The following LOC128092253 variants were observed in gnomAD, a reference collection of about 807,000 sequenced individuals.
the LOC128092253 span, among the ~76,000 whole-genome samples, chr6:133,960,693 A>G: frequency 6.6e-6 from 1 of 152,150 alleles, no homozygotes; most frequent in Admixed American, 6.5e-5. Context: ...ATAGAGGAAA[A>G]ATGGCTTCAT....
At chr6:133,960,029 C>T in the LOC128092253 span, among the ~76,000 whole-genome samples, 1 of 152,168 alleles carries the variant, frequency 6.6e-6, no homozygotes, top group Non-Finnish European at 1.5e-5. Flanking sequence ...GAGCCGCAAG[C>T]GTTTTTCCTC....
At chr6:133,970,391 G>A in the LOC128092253 span, among the ~76,000 whole-genome samples, 1 of 152,068 alleles carries the variant, frequency 6.6e-6, no homozygotes, top group Non-Finnish European at 1.5e-5. Context: ...CTTTGGTCTG[G>A]ACATTCTTAT....
chr6:133,961,893 T>G, the LOC128092253 span, among the ~76,000 whole-genome samples: 1 of 152,186 alleles, frequency 6.6e-6, no homozygotes, highest in Admixed American at 6.5e-5. Flanking sequence ...TGTCAGCCTA[T>G]TTGTTGTCTT....
chr6:133,967,609 G>T, the LOC128092253 span, among the ~76,000 whole-genome samples: 1 of 152,130 alleles, frequency 6.6e-6, no homozygotes, highest in Non-Finnish European at 1.5e-5. Flanking sequence ...TGTAGGCAGT[G>T]AACCTATACA....
chr6:133,979,062 T>TAG, the LOC128092253 span, among the ~76,000 whole-genome samples: 9 of 152,216 alleles, frequency 5.9e-5, no homozygotes, highest in Non-Finnish European at 2.9e-5. Context: ...GTATAAATCA[T>TAG]AGGAGTCTCG....
chr6:133,977,039 A>G, the LOC128092253 span, among the ~76,000 whole-genome samples: 2 of 151,982 alleles, frequency 1.3e-5, no homozygotes, highest in African/African-American at 2.4e-5. Flanking sequence ...TAATTATCCT[A>G]TTGAAAAGGG....
the LOC128092253 span, chr6:133,953,491 G>C: frequency 1.3e-5 from 2 of 152,872 alleles, no homozygotes; most frequent in Non-Finnish European, 2.9e-5. Context: ...CACCGGGTGC[G>C]GGGCGTCTGG....
chr6:133,979,096 G>T, the LOC128092253 span, among the ~76,000 whole-genome samples: 1 of 152,146 alleles, frequency 6.6e-6, no homozygotes, highest in Admixed American at 6.6e-5. Context: ...GGAAGATTCT[G>T]ATCTTGATAA....
chr6:133,961,154 T>A, the LOC128092253 span, among the ~76,000 whole-genome samples: 1 of 152,196 alleles, frequency 6.6e-6, no homozygotes, highest in East Asian at 1.9e-4. Context: ...GTGAAAGATA[T>A]CTACTGTTTA....
the LOC128092253 span, chr6:133,968,861 G>A: frequency 3.9e-5 from 6 of 152,142 alleles, no homozygotes; most frequent in Non-Finnish European, 7.3e-5. Context: ...GTAGGAGCGA[G>A]GTTTCACCAG....
the LOC128092253 span, among the ~76,000 whole-genome samples, chr6:133,962,581 G>A: frequency 6.6e-6 from 1 of 152,192 alleles, no homozygotes; most frequent in East Asian, 1.9e-4. Context: ...TTGTTTGTAT[G>A]TGTCGATTTT....
the LOC128092253 span, among the ~76,000 whole-genome samples, chr6:133,975,630 A>G: frequency 6.6e-6 from 1 of 152,346 alleles, no homozygotes; most frequent in South Asian, 2.1e-4. Context: ...ATTCTACCCA[A>G]TAACTAAATG....
chr6:133,965,862 A>G, the LOC128092253 span, among the ~76,000 whole-genome samples: 1 of 152,210 alleles, frequency 6.6e-6, no homozygotes, highest in Admixed American at 6.5e-5. Flanking sequence ...CTACATTTGA[A>G]TGCTTGTCAT....
At chr6:133,962,406 C>G in the LOC128092253 span, among the ~76,000 whole-genome samples, 1 of 151,984 alleles carries the variant, frequency 6.6e-6, no homozygotes, top group South Asian at 2.1e-4. Context: ...GCTTTGGATG[C>G]AGAAAAGAAG....
the LOC128092253 span, among the ~76,000 whole-genome samples, chr6:133,956,430 A>G: frequency 6.6e-6 from 1 of 152,308 alleles, no homozygotes; most frequent in South Asian, 2.1e-4. Flanking sequence ...CATGTGTGTA[A>G]TAAAACATGA....
chr6:133,962,066 G>A, the LOC128092253 span, among the ~76,000 whole-genome samples: 6 of 152,104 alleles, frequency 3.9e-5, no homozygotes, highest in African/African-American at 1.4e-4. Flanking sequence ...GGGAAAGGAC[G>A]ATTTAGGCAG....
chr6:133,970,614 C>CTT, the LOC128092253 span, among the ~76,000 whole-genome samples: 1 of 142,626 alleles, frequency 7.0e-6, no homozygotes, highest in African/African-American at 2.6e-5. Flanking sequence ...TTTGTTTTTG[C>CTT]TTTTTTTTTT....
the LOC128092253 span, among the ~76,000 whole-genome samples, chr6:133,960,116 A>G: frequency 6.6e-6 from 1 of 152,170 alleles, no homozygotes; most frequent in Non-Finnish European, 1.5e-5. Flanking sequence ...GGAAAGTTGT[A>G]ATGAGCATAC....
chr6:133,972,798 G>T, the LOC128092253 span, among the ~76,000 whole-genome samples: 1 of 152,098 alleles, frequency 6.6e-6, no homozygotes, highest in Non-Finnish European at 1.5e-5. Flanking sequence ...CCATCTGTCA[G>T]TAATAGCCAC....
Sources: gnomAD v4.1 joint callset for allele counts (sites outside exome capture counted in the v4.1 genomes callset) on GRCh38, gnomAD v4.1.1 for gene constraint, MANE v1.5 for transcripts.